The following KCNQ5 variants were observed in gnomAD, a reference collection of about 807,000 sequenced individuals.
The protein encoded by KCNQ5 is potassium voltage-gated channel subfamily KQT member 5.
In KCNQ5, 30 loss-of-function variants were observed where a neutral mutation model predicts 98.2. The observed-to-expected ratio is 0.31, with a 90% CI of 0.23 to 0.41. The LOEUF (loss-of-function observed/expected upper bound fraction) is 0.41. Ranked by LOEUF, KCNQ5 falls within the 10% of genes least tolerant of loss-of-function variation. The probability of loss-of-function intolerance (pLI) is 1.00; values close to 1 mark genes in which losing one functional copy is unlikely to be tolerated. For missense variants in KCNQ5, 835 were observed against 1,182.5 expected, an observed-to-expected ratio of 0.71 and a Z score of 4.31; for synonymous variants, 458 against 449.4, an observed-to-expected ratio of 1.02 and a Z score of -0.24.
At chr6:72,784,892 G>T (rs1000900416) in intron 1 of KCNQ5, among the ~76,000 whole-genome samples, 4 of 152,176 alleles carry the variant, frequency 2.6e-5, no homozygotes, top group African/African-American at 9.7e-5. Flanking sequence ...GAAAGTGATG[G>T]TAATGGATTC....
intron 10 of KCNQ5, among the ~76,000 whole-genome samples, chr6:73,161,964 T>G (rs1420882203): frequency 6.6e-6 from 1 of 152,178 alleles, no homozygotes; most frequent in Non-Finnish European, 1.5e-5. Context: ...TCACCCAGAC[T>G]AGAGTGCAAT....
At chr6:73,069,840 G>A (rs1401635929) in intron 3 of KCNQ5, among the ~76,000 whole-genome samples, 1 of 152,082 alleles carries the variant, frequency 6.6e-6, no homozygotes, top group East Asian at 1.9e-4. Flanking sequence ...AAATCACAGA[G>A]GTAGTATAAT....
chr6:73,158,567 G>A lies in KCNQ5; in HGVS notation c.1469-11179G>A, dbSNP rs140674810. On this transcript the variant is annotated intron_variant, in intron 10 of 13. Transcript: ENST00000370398. ...AGACATGAGCCACCGCACCCGTCCT[G>A]GAAGATTTTTTTTCTTCATTCTGTT... is the stretch of plus-strand genomic sequence containing the variant. Among the ~76,000 whole-genome samples the A allele has an allele frequency of 1.3e-4, 20 of 152,006 alleles. No homozygotes were observed. The East Asian group carries it at 2.9e-3, about 22-fold the overall frequency.
At chr6:72,861,619 A>G (rs367937841) in intron 1 of KCNQ5, among the ~76,000 whole-genome samples, 8 of 152,198 alleles carry the variant, frequency 5.3e-5, no homozygotes, top group East Asian at 1.9e-4. Flanking sequence ...GATTGTAAAC[A>G]GAGAGAAAAG....
At chr6:72,862,127 A>G (rs141189636) in intron 1 of KCNQ5, among the ~76,000 whole-genome samples, 2 of 152,116 alleles carry the variant, frequency 1.3e-5, no homozygotes, top group Non-Finnish European at 2.9e-5. Context: ...TTCTGCCCCA[A>G]TTCCAAATTC....
At chr6:73,060,466 G>C (rs1772727850) in intron 3 of KCNQ5, among the ~76,000 whole-genome samples, 1 of 152,090 alleles carries the variant, frequency 6.6e-6, no homozygotes, top group Non-Finnish European at 1.5e-5. Context: ...CTGGGCAGAA[G>C]AAATTGGTAA....
At chr6:72,645,204 C>CG (rs1554681985) in intron 1 of KCNQ5, among the ~76,000 whole-genome samples, 54 of 117,148 alleles carry the variant, frequency 4.6e-4, no homozygotes, top group Non-Finnish European at 8.2e-4. Flanking sequence ...ACCTTGTCAC[C>CG]AAAAAAAAAC....
At chr6:73,087,831 G>A (rs1774053837) in intron 5 of KCNQ5, among the ~76,000 whole-genome samples, 1 of 152,018 alleles carries the variant, frequency 6.6e-6, no homozygotes, top group South Asian at 2.1e-4. Context: ...TGAAAGGTCT[G>A]GCATCATAGA....
Position 73,133,616 on chromosome 6 carries a change from T to G in KCNQ5, c.1443T>G (p.Ser481Arg). ...TRFRPSLRLKSSQPKPVIDAD... is the reference protein window; with the variant it reads ...TRFRPSLRLKRSQPKPVIDAD... ...TCCGGCCCTCGCTGCGCCTCAAAAG[T>G]TCTCAGCCAAAACCAGTGATAGATG... Residue 481 changes from serine (S) to arginine (R), a missense_variant, in exon 10 of 14, where the codon AGT becomes AGG. By Grantham distance (110) the Ser-to-Arg change is moderately radical. Around this residue, in one of 10 missense-constraint regions of KCNQ5, gnomAD observed 146 missense variants for 256.7 expected, o/e 0.57. Transcript: ENST00000370398. The G allele has an allele frequency of 6.2e-7, 1 of 1,614,182 alleles. No individual in the cohort carries two copies. The highest frequency in any genetic ancestry group is 8.5e-7 in the Non-Finnish European group (1 of 1,180,036).
At chr6:72,645,397 A>G (rs1413196077) in intron 1 of KCNQ5, among the ~76,000 whole-genome samples, 1 of 151,714 alleles carries the variant, frequency 6.6e-6, no homozygotes, top group Non-Finnish European at 1.5e-5. Context: ...AGGAAAAAAA[A>G]AAAACACACA....
At chr6:73,178,515 A>G (rs1473558045) in intron 11 of KCNQ5, among the ~76,000 whole-genome samples, 1 of 150,782 alleles carries the variant, frequency 6.6e-6, no homozygotes, top group Non-Finnish European at 1.5e-5. Flanking sequence ...GAACAAGTCT[A>G]CTCTCAGTGG....
chr6:72,844,061 C>T (rs117760149), intron 1 of KCNQ5, among the ~76,000 whole-genome samples: 233 of 152,220 alleles, frequency 1.5e-3, no homozygotes, highest in Middle Eastern at 3.4e-3. Flanking sequence ...ATGTAGATGA[C>T]GGTTTGATGG....
At chr6:73,158,165 G>C in intron 10 of KCNQ5, 1 of 349,902 alleles carries the variant, frequency 2.9e-6, no homozygotes, top group South Asian at 2.4e-5. Context: ...GCGGGGCGGC[G>C]GGAAGGGAAC....
intron 1 of KCNQ5, among the ~76,000 whole-genome samples, chr6:72,948,761 G>A (rs1287690786): frequency 6.6e-6 from 1 of 152,058 alleles, no homozygotes; most frequent in Non-Finnish European, 1.5e-5. Context: ...AGGAAAGCCT[G>A]AAAGAGCTTG....
intron 2 of KCNQ5, among the ~76,000 whole-genome samples, chr6:73,030,562 T>A (rs556376359): frequency 6.6e-6 from 1 of 152,356 alleles, no homozygotes; most frequent in South Asian, 2.1e-4. Flanking sequence ...AAAATGCACT[T>A]TGGTGCTTAT....
chr6:72,870,757 T>G (rs1447062703), intron 1 of KCNQ5, among the ~76,000 whole-genome samples: 1 of 152,196 alleles, frequency 6.6e-6, no homozygotes, highest in Non-Finnish European at 1.5e-5. Flanking sequence ...ATACCTAACA[T>G]GTAACCAGGT....
intron 1 of KCNQ5, among the ~76,000 whole-genome samples, chr6:72,817,795 G>C (rs149512459): frequency 6.6e-6 from 1 of 152,100 alleles, no homozygotes; most frequent in Admixed American, 6.5e-5. Flanking sequence ...TCAGGAGGCT[G>C]AGGTGGGAGG....
At chr6:72,998,205 G>A (rs903006492) in intron 1 of KCNQ5, among the ~76,000 whole-genome samples, 1 of 152,182 alleles carries the variant, frequency 6.6e-6, no homozygotes, top group Admixed American at 6.5e-5. Context: ...GTCAGCTATA[G>A]TCTCTAATGT....
At chr6:72,806,233 A>G (rs188919909) in intron 1 of KCNQ5, among the ~76,000 whole-genome samples, 1 of 152,272 alleles carries the variant, frequency 6.6e-6, no homozygotes, top group Admixed American at 6.6e-5. Flanking sequence ...TTAACGATAT[A>G]TATAATCATA....
Sources: allele counts gnomAD v4.1 joint callset (sites outside exome capture counted in the v4.1 genomes callset), GRCh38; gene constraint gnomAD v4.1.1; regional missense constraint gnomAD v4.1.1; transcripts MANE v1.5; gene names NCBI Gene and HGNC (gene_info 2026-07-23, HGNC 2026-07-21).